The following PNPLA7 variants were observed in gnomAD, a reference collection of about 807,000 sequenced individuals.
PNPLA7 encodes patatin like domain 7, lysophospholipase, also known as patatin-like phospholipase domain-containing protein 7.
PNPLA7 carries 153 observed loss-of-function variants against 161.7 expected under a neutral mutation model. The observed-to-expected ratio is 0.95, with a 90% confidence interval of 0.83 to 1.08. The LOEUF is 1.08. Ranked by LOEUF, PNPLA7 falls within the 50% of genes least tolerant of loss-of-function variation. PNPLA7 has a pLI of 0.00. For synonymous variants in PNPLA7, 809 were observed against 782.1 expected, an observed-to-expected ratio of 1.03 and a Z score of -0.57; for missense variants, 1,739 against 1,856.6, an observed-to-expected ratio of 0.94 and a Z score of 1.16.
intron 29 of PNPLA7, chr9:137,463,122 A>G: frequency 1.7e-6 from 1 of 589,508 alleles, no homozygotes; most frequent in South Asian, 2.1e-5. Context: ...GTGGGCACAG[A>G]TGGGGCTTAA....
rs1157061785 is a variant in PNPLA7, at chr9:137,541,690, T to A, written c.666+952A>T. Among the ~76,000 whole-genome samples, 1 of 152,102 alleles carries A rather than the reference T, an allele frequency of 6.6e-6. No individual in the cohort carries two copies. The highest frequency in any genetic ancestry group is 1.5e-5 in the Non-Finnish European group (1 of 68,020). On this transcript the variant is annotated intron_variant, in intron 7 of 34. Coordinates refer to ENST00000406427, the MANE Select transcript of PNPLA7 (RefSeq NM_001098537.3). The surrounding 1 kb of genome is among the most constrained non-coding windows in gnomAD (Gnocchi z 4.4). ...CAGCGCCAAAGAGGCCACGGCAGGG[T>A]CTGGCCCAGCACCCACCCCCGAGCA...
chr9:137,461,955 C>T lies in PNPLA7; in HGVS notation c.3732G>A (p.Gly1244=), dbSNP rs1437398677. Residue 1244 remains glycine (G), a synonymous_variant, in exon 32 of 35, where the codon GGG becomes GGA. Transcript: ENST00000406427. ...VLEKMLRDQQ[G]PSKKPASAVL... ...CCGCACTCGCGGGCTTCTTGCTCGG[C>T]CCCTGCTGGTCGCGGAGCATCTTCT... The T allele has an allele frequency of 1.3e-6, 2 of 1,590,350 alleles. No homozygotes were observed. Among genetic ancestry groups the T allele is most frequent in the East Asian group, 4.6e-5 (2 of 43,382 alleles).
At chr9:137,473,888 C>T (rs1046171315) in intron 25 of PNPLA7, among the ~76,000 whole-genome samples, 3 of 152,180 alleles carry the variant, frequency 2.0e-5, no homozygotes, top group African/African-American at 7.2e-5. Context: ...CGACCGGGCA[C>T]TTACACTCCT....
chr9:137,463,167 C>A, intron 29 of PNPLA7: 1 of 590,390 alleles, frequency 1.7e-6, no homozygotes, highest in East Asian at 2.8e-5. Flanking sequence ...CTTTGTTCTG[C>A]ATGCTGCTGA....
chr9:137,505,802 T>A (rs111905546), intron 13 of PNPLA7, 42 bp from the exon 14 acceptor site: 9 of 1,608,674 alleles, frequency 5.6e-6, no homozygotes, highest in African/African-American at 1.3e-5. Context: ...AGGGATGTGG[T>A]TGGGGAACAT....
Position 137,467,174 on chromosome 9 carries a change from T to C in PNPLA7, c.3039+143A>G, listed in dbSNP as rs1017124057. 9.4e-6 allele frequency: 11 copies of C among 1,166,416 alleles called. No homozygotes were observed. The highest frequency in any genetic ancestry group is 7.8e-5 in the African/African-American group (5 of 64,036). The allele number at this position is 1,166,416 out of a possible 1,614,324, so 72.3% of individuals were successfully genotyped here. A position where few individuals can be genotyped will look rare whatever the true frequency, so the allele number is the denominator to read the frequency against. ...TGTGGTGCTCCTTTGCCTCACAAGCTGCACTGGGAGGCTTCAGGGGGTAGC... is the reference window on the plus strand; with the variant it reads ...TGTGGTGCTCCTTTGCCTCACAAGCCGCACTGGGAGGCTTCAGGGGGTAGC... On this transcript the variant is annotated intron_variant, in intron 26 of 34. Transcript: ENST00000406427. This position sits in a 1 kb window ranked among gnomAD's most constrained non-coding sequence, Gnocchi z 5.1.
chr9:137,508,052 G>C (rs938072024), intron 12 of PNPLA7, among the ~76,000 whole-genome samples: 1 of 151,886 alleles, frequency 6.6e-6, no homozygotes. Context: ...AAACCAGCCA[G>C]GTGTGGGGGC....
chr9:137,462,204 T>A lies in PNPLA7; in HGVS notation c.3620A>T (p.Asp1207Val). 6.3e-7 allele frequency: 1 copy of A among 1,582,582 alleles called. No homozygotes were observed. Among genetic ancestry groups the A allele is most frequent in the Non-Finnish European group, 8.6e-7 (1 of 1,162,530 alleles). Reference sequence around the variant, plus strand: ...GCAGATCTCGTTGAACTTGCCGAAGTCCAGGGTGCTGTAGCTGTCGATGGG... The same window carrying A: ...GCAGATCTCGTTGAACTTGCCGAAGACCAGGGTGCTGTAGCTGTCGATGGG... ...RPPIDSYSTL[D>V]FGKFNEICEV... The change falls in exon 31 of 35, where the codon GAC (aspartate) becomes GTC (valine). Residue 1207 changes from aspartate to valine, a missense_variant. By Grantham distance (152) the Asp-to-Val change is radical. Around this residue, in one of 6 missense-constraint regions of PNPLA7, gnomAD observed 703 missense variants for 694.6 expected, o/e 1.01. Coordinates refer to ENST00000406427, the MANE Select transcript of PNPLA7 (RefSeq NM_001098537.3).
intron 11 of PNPLA7, 35 bp downstream of exon 11, chr9:137,519,882 G>A (rs1327119065): frequency 1.9e-6 from 3 of 1,593,002 alleles, no homozygotes; most frequent in Non-Finnish European, 2.6e-6. Context: ...CGGACTCTGG[G>A]GCTGGACATT....
chr9:137,544,863 T>A (rs1466739706), intron 4 of PNPLA7, among the ~76,000 whole-genome samples: 1 of 152,198 alleles, frequency 6.6e-6, no homozygotes, highest in African/African-American at 2.4e-5. Context: ...TTGGCCAGGC[T>A]GGTCTCGAAC....
intron 11 of PNPLA7, 30 bp downstream of exon 11, chr9:137,519,887 G>T: frequency 6.3e-7 from 1 of 1,596,286 alleles, no homozygotes; most frequent in Non-Finnish European, 8.5e-7. Context: ...TCTGGGGCTG[G>T]ACATTGCCCT....
chr9:137,492,443 G>C (rs1295886583), intron 20 of PNPLA7: 1 of 369,060 alleles, frequency 2.7e-6, no homozygotes, highest in Non-Finnish European at 3.7e-6. Flanking sequence ...GGCTCGGGTG[G>C]GCGGGGCTCT....
At chr9:137,546,023 G>C (rs201392629) in intron 4 of PNPLA7, among the ~76,000 whole-genome samples, 1 of 152,072 alleles carries the variant, frequency 6.6e-6, no homozygotes, top group Non-Finnish European at 1.5e-5. Context: ...GCAGTTATCC[G>C]GAGGCCTAAC....
chr9:137,478,787 T>G, intron 24 of PNPLA7: 2 of 408,280 alleles, frequency 4.9e-6, no homozygotes, highest in Non-Finnish European at 4.4e-6. Flanking sequence ...AGCCCCCTGA[T>G]TCAGGCCCAT....
At chr9:137,511,885 G>C (rs1326113424) in intron 12 of PNPLA7, among the ~76,000 whole-genome samples, 1 of 152,168 alleles carries the variant, frequency 6.6e-6, no homozygotes, top group Admixed American at 6.5e-5. Context: ...CTCTGCTTCA[G>C]CTACCACAAA....
chr9:137,540,972 C>T lies in PNPLA7; in HGVS notation c.667-250G>A, dbSNP rs1836170938. On this transcript the variant is annotated intron_variant, in intron 7 of 34. Coordinates refer to ENST00000406427, the MANE Select transcript of PNPLA7 (RefSeq NM_001098537.3). The surrounding 1 kb of genome is among the most constrained non-coding windows in gnomAD (Gnocchi z 5.1). ...CCCACCTCTCCATCCCATGACTCGT[C>T]TTCAATGTGGGGACTGAGGCAAAAG... The T allele has an allele frequency of 4.3e-6, 2 of 461,384 alleles. No individual in the cohort carries two copies. The highest frequency in any genetic ancestry group is 8.0e-6 in the Non-Finnish European group (2 of 249,484). The allele number at this position is 461,384 out of a possible 1,614,324, so 28.6% of individuals were successfully genotyped here.
rs200311324 is a variant in PNPLA7, at chr9:137,497,337, C to T, written c.1890-27G>A. On this transcript the variant is annotated intron_variant, in intron 17 of 34. Transcript: ENST00000406427. ...TGCGGAAGACACAGAGGCCCTGCAG[C>T]CCTGGGCCCCCAGCCTCAGCCTCCA... is the stretch of plus-strand genomic sequence containing the variant. The T allele has an allele frequency of 3.7e-4, 558 of 1,500,896 alleles. 1 individual carries two copies. The highest frequency in any genetic ancestry group is 4.6e-4 in the Non-Finnish European group (519 of 1,117,376). 93.0% of individuals were successfully genotyped at this position (1,500,896 alleles called of 1,614,324 possible).
intron 10 of PNPLA7, among the ~76,000 whole-genome samples, chr9:137,521,044 C>A (rs979589669): frequency 6.6e-6 from 1 of 151,302 alleles, no homozygotes; most frequent in Middle Eastern, 3.5e-3. Flanking sequence ...GGAGGGGCAG[C>A]CTCTGCTGGA....
At chr9:137,482,796 C>T (rs917068260) in intron 21 of PNPLA7, among the ~76,000 whole-genome samples, 6 of 152,244 alleles carry the variant, frequency 3.9e-5, no homozygotes, top group African/African-American at 1.4e-4. Context: ...GGAGCCCTGG[C>T]GAAGGGCACA....
Sources: allele counts gnomAD v4.1 joint callset (sites outside exome capture counted in the v4.1 genomes callset), GRCh38; gene constraint gnomAD v4.1.1; regional missense constraint gnomAD v4.1.1; non-coding constraint Gnocchi (gnomAD v3.1); transcripts MANE v1.5; gene names NCBI Gene and HGNC (gene_info 2026-07-23, HGNC 2026-07-21).